Variants in REEP3 observed in about 807,000 individuals in gnomAD.
The protein encoded by REEP3 is receptor accessory protein 3.
REEP3 carries 20 observed loss-of-function variants against 41.3 expected under a neutral mutation model. The ratio of observed to expected loss-of-function variants is 0.48; its 90% CI spans 0.34 to 0.70. REEP3 has a LOEUF of 0.70. REEP3 is among the 30% of genes least tolerant of loss of function. The pLI is 0.01. For synonymous variants in REEP3, 104 were observed against 101.8 expected (o/e 1.02, Z -0.13); for missense variants, 271 against 308.8 (o/e 0.88, Z 0.92).
At chr10:63,532,454 A>T (rs79250771) in intron 1 of REEP3, among the ~76,000 whole-genome samples, 3,248 of 152,210 alleles carry the variant, frequency 0.021, 113 homozygotes, top group African/African-American at 0.072. Context: ...TGAGGCCAGG[A>T]GATCAAGACC....
chr10:63,596,981 G>C (rs1165199264), intron 3 of REEP3, among the ~76,000 whole-genome samples: 1 of 152,216 alleles, frequency 6.6e-6, no homozygotes, highest in Non-Finnish European at 1.5e-5. Context: ...TCTCATGCCA[G>C]AAGGCAAAAG....
At chr10:63,568,527 A>G (rs903873136) in intron 2 of REEP3, among the ~76,000 whole-genome samples, 7 of 152,096 alleles carry the variant, frequency 4.6e-5, no homozygotes, top group African/African-American at 1.7e-4. Flanking sequence ...TCGGCCTCCC[A>G]AAGTGCTGGG....
chr10:63,556,638 T>G (rs1564477669), intron 1 of REEP3, among the ~76,000 whole-genome samples: 7 of 85,336 alleles, frequency 8.2e-5, no homozygotes, highest in African/African-American at 2.1e-4. Flanking sequence ...TGTTTTGTTT[T>G]TTTTTTTTTT....
chr10:63,588,357 C>A (rs1426152760), intron 2 of REEP3, among the ~76,000 whole-genome samples: 2 of 152,140 alleles, frequency 1.3e-5, no homozygotes, highest in African/African-American at 4.8e-5. Context: ...TAATTTGAAT[C>A]TCATTATCTC....
In REEP3 at chr10:63,552,406, G is replaced by A. The variant is rs561914270; in HGVS notation, c.33-13932G>A. 7.8e-4 allele frequency among the ~76,000 whole-genome samples: 118 copies of A among 151,526 alleles called. 1 individual carries two copies. In the South Asian group the frequency reaches 0.021, roughly 28 times the overall value. On this transcript the variant is annotated intron_variant, in intron 1 of 7. Transcript: ENST00000373758. ...AGCCTGGACCACAGAGCAAGACTCC[G>A]TCTCAAAAAAAAAAGAAAGAAATAT...
At chr10:63,528,192 C>T (rs930385626) in intron 1 of REEP3, among the ~76,000 whole-genome samples, 4 of 152,118 alleles carry the variant, frequency 2.6e-5, no homozygotes, top group East Asian at 1.9e-4. Flanking sequence ...TTCTTTGCTC[C>T]ACGTGGAAAC....
Position 63,603,323 on chromosome 10 carries a change from A to T in REEP3, c.417+4040A>T, listed in dbSNP as rs571001652. Among the ~76,000 whole-genome samples, 323 of 147,730 alleles carry T rather than the reference A, an allele frequency of 2.2e-3. 1 individual carries two copies. The highest frequency in any genetic ancestry group is 0.011 in the Middle Eastern group (3 of 268). ...GCAAGACTCTGTCTCAAAAAAAAAA[A>T]AAAAAAAAAAAGACCCCACCCATTA... On this transcript the variant is annotated intron_variant, in intron 5 of 7. Coordinates refer to ENST00000373758, the MANE Select transcript of REEP3 (RefSeq NM_001001330.3).
intron 2 of REEP3, among the ~76,000 whole-genome samples, chr10:63,576,642 G>A (rs1487862563): frequency 6.6e-6 from 1 of 152,172 alleles, no homozygotes; most frequent in Non-Finnish European, 1.5e-5. Flanking sequence ...TAGTCAGCTT[G>A]TGTTGCCATA....
chr10:63,555,546 C>T (rs1306256176), intron 1 of REEP3, among the ~76,000 whole-genome samples: 1 of 152,246 alleles, frequency 6.6e-6, no homozygotes, highest in African/African-American at 2.4e-5. Flanking sequence ...GTAGACTTTG[C>T]ACTACTTGTA....
chr10:63,562,173 G>A (rs2133371820), intron 1 of REEP3, among the ~76,000 whole-genome samples: 1 of 152,084 alleles, frequency 6.6e-6, no homozygotes, highest in East Asian at 1.9e-4. Flanking sequence ...TTGTGGCACA[G>A]CTAAAAATCC....
intron 2 of REEP3, among the ~76,000 whole-genome samples, chr10:63,585,063 C>A (rs1419890359): frequency 2.6e-5 from 4 of 152,122 alleles, no homozygotes; most frequent in African/African-American, 4.8e-5. Flanking sequence ...TGTTTAAACT[C>A]TGTTAACTTT....
At chr10:63,566,741 A>T (rs920601941) in intron 2 of REEP3, among the ~76,000 whole-genome samples, 1 of 152,142 alleles carries the variant, frequency 6.6e-6, no homozygotes, top group Non-Finnish European at 1.5e-5. Context: ...ATTTATAGGT[A>T]CATTGAGAAT....
chr10:63,586,085 A>G (rs1052422638), intron 2 of REEP3, among the ~76,000 whole-genome samples: 1 of 152,244 alleles, frequency 6.6e-6, no homozygotes, highest in African/African-American at 2.4e-5. Flanking sequence ...AGGTAAATGC[A>G]TACCTATTAA....
intron 2 of REEP3, among the ~76,000 whole-genome samples, chr10:63,591,706 AT>A (rs1956065786): frequency 6.6e-6 from 1 of 152,248 alleles, no homozygotes; most frequent in Non-Finnish European, 1.5e-5. Flanking sequence ...TTTAAAATTA[AT>A]TTGATGACTT....
At chr10:63,559,004 TTG>T (rs1955716406) in intron 1 of REEP3, among the ~76,000 whole-genome samples, 1 of 152,218 alleles carries the variant, frequency 6.6e-6, no homozygotes, top group Admixed American at 6.5e-5. Flanking sequence ...ATTAATTTTT[TTG>T]TTGTTGTTTA....
At chr10:63,601,566 T>G in intron 5 of REEP3, among the ~76,000 whole-genome samples, 1 of 152,152 alleles carries the variant, frequency 6.6e-6, no homozygotes, top group Non-Finnish European at 1.5e-5. Flanking sequence ...CCAGGAGGGA[T>G]GTCTCTGGTA....
chr10:63,538,423 A>C (rs1181802299), intron 1 of REEP3, among the ~76,000 whole-genome samples: 2 of 152,174 alleles, frequency 1.3e-5, no homozygotes, highest in Admixed American at 1.3e-4. Context: ...ATGCACACAG[A>C]GTGTCATTTA....
chr10:63,546,998 T>C (rs1239291120), intron 1 of REEP3, among the ~76,000 whole-genome samples: 2 of 152,122 alleles, frequency 1.3e-5, no homozygotes, highest in Non-Finnish European at 2.9e-5. Context: ...CTCAGCTCAC[T>C]ACAACCTCCG....
At chr10:63,594,304 C>T (rs1220428093) in intron 2 of REEP3, among the ~76,000 whole-genome samples, 3 of 152,010 alleles carry the variant, frequency 2.0e-5, no homozygotes, top group African/African-American at 7.2e-5. Flanking sequence ...AAGAGGATCA[C>T]TTGCACTGGA....
Sources: gnomAD v4.1 joint callset for allele counts (sites outside exome capture counted in the v4.1 genomes callset) on GRCh38, gnomAD v4.1.1 for gene constraint, MANE v1.5 for transcripts, NCBI Gene and HGNC (gene_info 2026-07-23, HGNC 2026-07-21) for gene names.